The following SKAP1 variants were observed in gnomAD, a reference collection of about 807,000 sequenced individuals.
SKAP1 encodes src kinase associated phosphoprotein 1.
SKAP1 carries 44 observed loss-of-function variants against 58.5 expected under a neutral mutation model. The observed-to-expected ratio is 0.75, with a 90% CI of 0.59 to 0.97. The LOEUF (loss-of-function observed/expected upper bound fraction) is 0.97, where lower values mean the gene tolerates loss of function less well. Among genes scored for constraint, SKAP1 ranks in the 50% least tolerant of loss-of-function variants. The pLI is 0.00. For missense variants in SKAP1, 390 were observed against 435.2 expected, an observed-to-expected ratio of 0.90 and a Z score of 0.92; for synonymous variants, 127 against 149.7, an observed-to-expected ratio of 0.85 and a Z score of 1.11.
At chr17:48,288,570 C>T (rs937100347) in intron 4 of SKAP1, among the ~76,000 whole-genome samples, 13 of 152,030 alleles carry the variant, frequency 8.6e-5, no homozygotes, top group Non-Finnish European at 1.8e-4. Context: ...CCTGTAGTCC[C>T]AGCTACTCGG....
chr17:48,424,985 C>T (rs1035954212), intron 1 of SKAP1, among the ~76,000 whole-genome samples: 5 of 151,174 alleles, frequency 3.3e-5, no homozygotes, highest in South Asian at 2.1e-4. Context: ...TAAGGCCAGG[C>T]GGGGTGACTC....
chr17:48,194,909 T>C (rs1171371929), intron 4 of SKAP1, among the ~76,000 whole-genome samples: 5 of 152,008 alleles, frequency 3.3e-5, no homozygotes, highest in Non-Finnish European at 7.4e-5. Flanking sequence ...AACCTGGGGA[T>C]TGGGTGTATG....
chr17:48,222,027 TATA>T (rs1303744818), intron 4 of SKAP1, among the ~76,000 whole-genome samples: 1 of 152,146 alleles, frequency 6.6e-6, no homozygotes, highest in Non-Finnish European at 1.5e-5. Flanking sequence ...GAATTATTAT[TATA>T]ATAAGCCCAG....
intron 2 of SKAP1, chr17:48,382,629 A>C (rs1391417298): frequency 1.3e-5 from 2 of 152,292 alleles, no homozygotes; most frequent in Admixed American, 1.3e-4. Context: ...GAACCTCTAA[A>C]GTCCTCATTC....
chr17:48,213,213 G>A (rs1187360248), intron 4 of SKAP1, among the ~76,000 whole-genome samples: 1 of 151,960 alleles, frequency 6.6e-6, no homozygotes, highest in Non-Finnish European at 1.5e-5. Flanking sequence ...GTGGTGGCAG[G>A]TGCCTTTAAT....
chr17:48,388,736 AT>A (rs1438550678), intron 2 of SKAP1, among the ~76,000 whole-genome samples: 2 of 152,168 alleles, frequency 1.3e-5, no homozygotes, highest in South Asian at 2.1e-4. Flanking sequence ...ATGCCACTTC[AT>A]TTTTTTGATG....
intron 4 of SKAP1, among the ~76,000 whole-genome samples, chr17:48,326,358 AATAGAG>A (rs1296552263): frequency 6.6e-6 from 1 of 152,206 alleles, no homozygotes; most frequent in East Asian, 1.9e-4. Context: ...AAGCTACAGA[AATAGAG>A]ATGATAAAAA....
intron 4 of SKAP1, among the ~76,000 whole-genome samples, chr17:48,331,480 A>G (rs1013267788): frequency 1.3e-5 from 2 of 151,946 alleles, no homozygotes; most frequent in African/African-American, 4.8e-5. Context: ...TGGGCGGATC[A>G]CCTGAGGTCG....
Position 48,363,827 on chromosome 17 carries a change from G to A in SKAP1, c.153-13C>T, listed in dbSNP as rs1209588492. The A allele has an allele frequency of 5.0e-6, 8 of 1,599,662 alleles. No individual in the cohort carries two copies. The highest frequency in any genetic ancestry group is 1.8e-5 in the Admixed American group (1 of 57,054). ...ATCCCAATAGTACCTGAAATACAAGGGGGAAAAAAAAAGGGAATAAGTCAA... is the reference window on the plus strand; with the variant it reads ...ATCCCAATAGTACCTGAAATACAAGAGGGAAAAAAAAAGGGAATAAGTCAA... On this transcript the variant is annotated splice_polypyrimidine_tract_variant and intron_variant, in intron 2 of 12. Transcript: ENST00000336915.
chr17:48,139,718 C>T (rs1277602475), intron 11 of SKAP1, among the ~76,000 whole-genome samples: 2 of 151,948 alleles, frequency 1.3e-5, no homozygotes, highest in Admixed American at 6.6e-5. Context: ...CTAATATCTC[C>T]CCTCCTCAAA....
intron 4 of SKAP1, among the ~76,000 whole-genome samples, chr17:48,317,783 T>A (rs2066308546): frequency 6.6e-6 from 1 of 152,116 alleles, no homozygotes; most frequent in Non-Finnish European, 1.5e-5. Context: ...TGGCTGAAAC[T>A]AGAACAAATA....
At chr17:48,163,152 G>C (rs1465611347) in intron 10 of SKAP1, among the ~76,000 whole-genome samples, 1 of 152,156 alleles carries the variant, frequency 6.6e-6, no homozygotes, top group Non-Finnish European at 1.5e-5. Context: ...GTGGAACCAA[G>C]GGGGTGTCTC....
intron 1 of SKAP1, among the ~76,000 whole-genome samples, chr17:48,421,318 TA>T (rs1567908284): frequency 1.5e-5 from 2 of 130,090 alleles, no homozygotes; most frequent in Non-Finnish European, 3.3e-5. Context: ...TTTTTTTTTT[TA>T]AAGACGAATT....
At chr17:48,337,382 TTA>T (rs1438303998) in intron 4 of SKAP1, among the ~76,000 whole-genome samples, 1 of 152,220 alleles carries the variant, frequency 6.6e-6, no homozygotes, top group Non-Finnish European at 1.5e-5. Context: ...CCAAAATAAA[TTA>T]TGACTAGTAG....
chr17:48,221,250 G>A (rs376931038), intron 4 of SKAP1, among the ~76,000 whole-genome samples: 1 of 152,288 alleles, frequency 6.6e-6, no homozygotes, highest in East Asian at 1.9e-4. Flanking sequence ...CTGGGTGACA[G>A]AGTGAGACTC....
At chr17:48,213,987 T>A (rs1028667959) in intron 4 of SKAP1, among the ~76,000 whole-genome samples, 1 of 152,194 alleles carries the variant, frequency 6.6e-6, no homozygotes, top group Non-Finnish European at 1.5e-5. Flanking sequence ...TGATTCTACA[T>A]CTTAATTAAG....
intron 4 of SKAP1, among the ~76,000 whole-genome samples, chr17:48,342,685 A>C (rs1208206387): frequency 6.6e-6 from 1 of 152,218 alleles, no homozygotes; most frequent in Non-Finnish European, 1.5e-5. Context: ...TCTAATGAAG[A>C]CAAAATTCGA....
intron 4 of SKAP1, among the ~76,000 whole-genome samples, chr17:48,190,273 AT>A (rs1164659481): frequency 6.6e-6 from 1 of 150,586 alleles, no homozygotes; most frequent in East Asian, 2.0e-4. Flanking sequence ...CGCCCGGCTA[AT>A]TTTTTTTTGT....
intron 1 of SKAP1, among the ~76,000 whole-genome samples, chr17:48,405,450 T>TTTCTTTCTTTCTTTCTTTCCTTTC (rs1441641292): frequency 5.3e-5 from 5 of 94,006 alleles, no homozygotes; most frequent in South Asian, 4.1e-4. Context: ...TCTTTCTTTC[T>TTTCTTTCTTTCTTTCTTTCCTTTC]TTTCTTTCTT....
Sources: allele counts gnomAD v4.1 joint callset (sites outside exome capture counted in the v4.1 genomes callset), GRCh38; gene constraint gnomAD v4.1.1; transcripts MANE v1.5; gene names NCBI Gene and HGNC (gene_info 2026-07-23, HGNC 2026-07-21).